FCRL3: variants seen among roughly 807,000 people sequenced by gnomAD.
FCRL3 encodes Fc receptor like 3.
In FCRL3, 89 loss-of-function variants were observed where a neutral mutation model predicts 75.0. That is an observed-to-expected ratio of 1.19 (90% CI 1.00 to 1.42). The LOEUF (loss-of-function observed/expected upper bound fraction) is 1.42, where lower values mean the gene tolerates loss of function less well. Among genes scored for constraint, FCRL3 ranks in the 40% most tolerant of loss-of-function variants. FCRL3 has a pLI of 0.00. For missense variants in FCRL3, 946 were observed against 880.0 expected (o/e 1.07, Z -0.95); for synonymous variants, 376 against 348.5 (o/e 1.08, Z -0.88).
In FCRL3 at chr1:157,692,518, G is replaced by A. The variant is rs993141148; in HGVS notation, c.1412-1985C>T. ...CCCAAAGTGCTGGGATTACAGGCAT[G>A]AGCCACTGTGCCTGGCCAAATCATA... On this transcript the variant is annotated intron_variant, in intron 8 of 14. Transcript: ENST00000368184. 4.6e-5 allele frequency among the ~76,000 whole-genome samples: 7 copies of A among 152,210 alleles called. No individual in the cohort carries two copies. The East Asian group carries it at 9.6e-4, about 21-fold the overall frequency.
intron 11 of FCRL3, 70 bp from the exon 12 acceptor site, chr1:157,681,169 A>T: frequency 9.6e-7 from 1 of 1,036,704 alleles, no homozygotes. Flanking sequence ...GGAAATCAAT[A>T]TTCTGGAAGT....
intron 11 of FCRL3, among the ~76,000 whole-genome samples, chr1:157,682,636 T>G (rs1322785254): frequency 6.6e-6 from 1 of 152,234 alleles, no homozygotes; most frequent in Non-Finnish European, 1.5e-5. Context: ...TTAAATGTTA[T>G]TTTTGAAGAT....
At chr1:157,680,802 T>TC (rs1257140690) in intron 12 of FCRL3, 32 bp from the exon 13 acceptor site, 2 of 1,598,626 alleles carry the variant, frequency 1.3e-6, no homozygotes, top group East Asian at 4.5e-5. Flanking sequence ...TTGGTTGCAG[T>TC]CAAGAGCTCA....
Position 157,677,917 on chromosome 1 carries a change from A to G in FCRL3, c.*793T>C, listed in dbSNP as rs911351123. The G allele has an allele frequency of 3.0e-5, 29 of 977,048 alleles. No homozygotes were observed. The highest frequency in any genetic ancestry group is 3.5e-5 in the Non-Finnish European group (29 of 822,556). The allele number at this position is 977,048 out of a possible 1,614,324, so 60.5% of individuals were successfully genotyped here. The stretch of plus-strand genomic sequence containing the variant: ...AGAGGAAGAGAATGGGAGAAGCCAC[A>G]TAGATATAGTAGGTTATTGTCTCGG... On this transcript the variant is annotated 3_prime_UTR_variant, in exon 15 of 15. Coordinates refer to ENST00000368184, the MANE Select transcript of FCRL3 (RefSeq NM_052939.4).
chr1:157,677,168 C>T lies in FCRL3; in HGVS notation c.*1542G>A. On this transcript the variant is annotated 3_prime_UTR_variant, in exon 15 of 15. Coordinates refer to ENST00000368184, the MANE Select transcript of FCRL3 (RefSeq NM_052939.4). ...TCATCACATTTTTTGAGGCCAGCAG[C>T]TGTGGCTTAGCTGGCTTTGCTGGTC... is the stretch of plus-strand genomic sequence containing the variant. The T allele has an allele frequency of 9.9e-7, 1 of 1,007,184 alleles. No homozygotes were observed. Among genetic ancestry groups the T allele is most frequent in the Non-Finnish European group, 1.2e-6 (1 of 842,074 alleles). 62.4% of individuals were successfully genotyped at this position (1,007,184 alleles called of 1,614,324 possible).
chr1:157,677,347 T>C lies in FCRL3; in HGVS notation c.*1363A>G, dbSNP rs1190770003. 2 of 986,078 alleles carry C rather than the reference T, an allele frequency of 2.0e-6. No individual in the cohort carries two copies. Among genetic ancestry groups the C allele is most frequent in the Non-Finnish European group, 2.4e-6 (2 of 830,468 alleles). 61.1% of individuals were successfully genotyped at this position (986,078 alleles called of 1,614,324 possible). A position where few individuals can be genotyped will look rare whatever the true frequency, so the allele number is the denominator to read the frequency against. On this transcript the variant is annotated 3_prime_UTR_variant, in exon 15 of 15. Transcript: ENST00000368184. ...CATTCCCTAGGGACTCCAAGAAATA[T>C]TGATTAGAGGAAGATGTGGTGCTTT...
At chr1:157,690,097 T>C (rs775661165) in intron 9 of FCRL3, among the ~76,000 whole-genome samples, 158 bp downstream of exon 9, 3 of 152,190 alleles carry the variant, frequency 2.0e-5, no homozygotes, top group Non-Finnish European at 2.9e-5. Flanking sequence ...GTATTTCCTT[T>C]CCCTCTCCCA....
In FCRL3 at chr1:157,700,468, G is replaced by A. The variant is rs201961888; in HGVS notation, c.22C>T (p.Leu8=). 1 of 1,613,112 alleles carries A rather than the reference G, an allele frequency of 6.2e-7. No individual in the cohort carries two copies. The highest frequency in any genetic ancestry group is 1.3e-5 in the African/African-American group (1 of 75,008). The part of the protein sequence containing the change: MLLWLLL[L]ILTPGREQSG... ...TAGCCCATCTACTCACTCAGGATCA[G>A]CAGCAGCAGCCACAGAAGCATGGGC... Residue 8 remains leucine, a synonymous_variant, in exon 2 of 15, where the codon CTG becomes TTG. Coordinates refer to ENST00000368184, the MANE Select transcript of FCRL3 (RefSeq NM_052939.4).
At position 157,696,055 on chromosome 1, in the gene FCRL3, G is replaced by C; in HGVS notation, c.1117C>G (p.Arg373Gly). The change falls in exon 7 of 15, where the codon CGA (arginine) becomes GGA (glycine). Residue 373 changes from arginine (R) to glycine (G), a missense_variant. Arg to Gly is a moderately radical substitution (Grantham distance 125). Coordinates refer to ENST00000368184, the MANE Select transcript of FCRL3 (RefSeq NM_052939.4). Reference sequence around the variant, plus strand: ...CGGAACTTACTTCTCACGGTGACTCGAATCCACGTGCTGAGGATGGGGCTG... The same window carrying C: ...CGGAACTTACTTCTCACGGTGACTCCAATCCACGTGCTGAGGATGGGGCTG... ...VHSPILSTWI[R>G]VTVRIPVSHP... is the part of the protein sequence containing the mutation. The C allele has an allele frequency of 6.2e-7, 1 of 1,610,236 alleles. No homozygotes were observed. The highest frequency in any genetic ancestry group is 8.5e-7 in the Non-Finnish European group (1 of 1,178,216).
Position 157,698,285 on chromosome 1 carries a change from A to G in FCRL3, c.298+99T>C, listed in dbSNP as rs563212951. The G allele has an allele frequency of 1.0e-4, 148 of 1,426,188 alleles. 1 individual carries two copies. The African/African-American group carries it at 1.8e-3, about 17-fold the overall frequency. 88.3% of individuals were successfully genotyped at this position (1,426,188 alleles called of 1,614,324 possible). On this transcript the variant is annotated intron_variant, in intron 4 of 14. Transcript: ENST00000368184. ...CACTGGGGTCAGTGCATCAATCCCCATGTCTGCTTACAACTCTGCCTAGGA... is the reference window on the plus strand; with the variant it reads ...CACTGGGGTCAGTGCATCAATCCCCGTGTCTGCTTACAACTCTGCCTAGGA...
At chr1:157,687,021 A>G (rs1253553643) in intron 10 of FCRL3, among the ~76,000 whole-genome samples, 1 of 152,084 alleles carries the variant, frequency 6.6e-6, no homozygotes, top group Non-Finnish European at 1.5e-5. Flanking sequence ...ATGGGAGAAA[A>G]TATTAGGAAA....
rs1284545934 is a variant in FCRL3 at position 157,678,437 on chromosome 1, T to A, written c.*273A>T. ...TAGACCATTTCTCTCTCCTCCTCTA[T>A]TCGACAGCCCTAGGAGCTGAGGGCC... On this transcript the variant is annotated 3_prime_UTR_variant, in exon 15 of 15. Transcript: ENST00000368184. 8 of 1,293,332 alleles carry A rather than the reference T, an allele frequency of 6.2e-6. No individual in the cohort carries two copies. The highest frequency in any genetic ancestry group is 6.9e-6 in the Non-Finnish European group (7 of 1,015,174). The allele number at this position is 1,293,332 out of a possible 1,614,324, so 80.1% of individuals were successfully genotyped here. A position where few individuals can be genotyped will look rare whatever the true frequency, so the allele number is the denominator to read the frequency against.
chr1:157,681,882 C>A (rs1427727751), intron 11 of FCRL3, among the ~76,000 whole-genome samples: 1 of 152,070 alleles, frequency 6.6e-6, no homozygotes, highest in Non-Finnish European at 1.5e-5. Flanking sequence ...GTTCCTATTT[C>A]TCCACATCTT....
In FCRL3 at chr1:157,697,394, C is replaced by G; in HGVS notation, c.590G>C (p.Ser197Thr). ...ELFLHPVLRA[S>T]SSTPIEGSPM... ...ACTCCCCTCTATGGGCGTGGAAGAG[C>G]TGGCTCTCAGCACAGGATGTAGAAA... Residue 197 changes from serine (S) to threonine (T), a missense_variant, in exon 6 of 15, where the codon AGC becomes ACC. Coordinates refer to ENST00000368184, the MANE Select transcript of FCRL3 (RefSeq NM_052939.4). 1 of 1,559,314 alleles carries G rather than the reference C, an allele frequency of 6.4e-7. No individual in the cohort carries two copies. The highest frequency in any genetic ancestry group is 8.6e-7 in the Non-Finnish European group (1 of 1,157,030).
intron 11 of FCRL3, 37 bp from the exon 12 acceptor site, chr1:157,681,136 C>T: frequency 7.3e-7 from 1 of 1,370,322 alleles, no homozygotes; most frequent in South Asian, 1.7e-5. Context: ...TAAAAAGTAT[C>T]TGTGGGTTAC....
intron 1 of FCRL3, 23 bp from the exon 2 acceptor site, chr1:157,700,608 G>A (rs1219371827): frequency 3.2e-6 from 5 of 1,569,782 alleles, no homozygotes; most frequent in South Asian, 2.3e-5. Context: ...GAAAAGGGAA[G>A]AAGAGCTTAG....
chr1:157,680,996 G>C lies in FCRL3; in HGVS notation c.1942C>G (p.Pro648Ala). Residue 648 changes from proline to alanine, a missense_variant, in exon 12 of 15, where the codon CCA becomes GCA. Physicochemically the swap from Pro to Ala is conservative, Grantham distance 27. Coordinates refer to ENST00000368184, the MANE Select transcript of FCRL3 (RefSeq NM_052939.4). Reference protein sequence around the residue: ...SKPLAPMELEPMYSNVNPGDS... With the variant: ...SKPLAPMELEAMYSNVNPGDS... ...GAGTCCTCACCATTGCTGTACATTG[G>C]CTCCAGCTCCATTGGGGCTAGTGGT... 3.1e-6 allele frequency: 5 copies of C among 1,589,984 alleles called. No individual in the cohort carries two copies. The highest frequency in any genetic ancestry group is 3.4e-6 in the Non-Finnish European group (4 of 1,171,556).
chr1:157,699,666 A>G (rs746623791), intron 3 of FCRL3, 26 bp downstream of exon 3: 4 of 1,613,282 alleles, frequency 2.5e-6, no homozygotes, highest in Non-Finnish European at 3.4e-6. Context: ...CAGAGACCAG[A>G]GGGGCAGAGA....
intron 2 of FCRL3, 148 bp from the exon 3 acceptor site, chr1:157,699,860 A>G (rs1656201351): frequency 1.2e-6 from 1 of 860,068 alleles, no homozygotes. Context: ...AAAATGTCAT[A>G]TAATGTATTT....
Sources: gnomAD v4.1 joint callset for allele counts (sites outside exome capture counted in the v4.1 genomes callset) on GRCh38, gnomAD v4.1.1 for gene constraint, MANE v1.5 for transcripts, NCBI Gene and HGNC (gene_info 2026-07-23, HGNC 2026-07-21) for gene names.